Variants in MYO9A observed in about 807,000 individuals in gnomAD.
The protein encoded by MYO9A is unconventional myosin-IXa.
A neutral mutation model predicts 293.3 loss-of-function variants in MYO9A; 103 were observed. That is an observed-to-expected ratio of 0.35 (90% CI 0.30 to 0.41). The LOEUF (loss-of-function observed/expected upper bound fraction) is 0.41, where lower values mean the gene tolerates loss of function less well. Among genes scored for constraint, MYO9A ranks in the 10% least tolerant of loss-of-function variants. The pLI, the probability that MYO9A is intolerant of heterozygous loss-of-function variation, is 1.00. For missense variants in MYO9A, 2,685 were observed against 3,033.0 expected (o/e 0.89, Z 2.69); for synonymous variants, 1,001 against 1,035.7 (o/e 0.97, Z 0.64).
At chr15:71,858,054 G>C (rs1364685784) in intron 34 of MYO9A, among the ~76,000 whole-genome samples, 2 of 152,296 alleles carry the variant, frequency 1.3e-5, no homozygotes, top group Non-Finnish European at 2.9e-5. Context: ...AAACCACAAT[G>C]AGATACCATC....
At position 72,046,514 on chromosome 15, in the gene MYO9A, G is replaced by GT. The variant is rs1213382396; in HGVS notation, c.49dup (p.Thr17AsnfsTer28). 1.9e-6 allele frequency: 3 copies of GT among 1,612,182 alleles called. No individual in the cohort carries two copies. Among genetic ancestry groups the GT allele is most frequent in the Non-Finnish European group, 1.7e-6 (2 of 1,179,354 alleles). ...AATAGCCCCAGGATATATCCGTAAT[G>GT]TATGTTCATTATCTTCAAAGCGTCG... On this transcript the variant is annotated frameshift_variant, in exon 2 of 42. Transcript: ENST00000356056. LOFTEE classifies it high-confidence loss of function.
intron 1 of MYO9A, among the ~76,000 whole-genome samples, chr15:72,103,868 G>A (rs1277809633): frequency 6.6e-6 from 1 of 152,204 alleles, no homozygotes; most frequent in Non-Finnish European, 1.5e-5. Flanking sequence ...CACTGAGGGG[G>A]GATATGTTGA....
At chr15:71,935,517 A>G in intron 16 of MYO9A, 33 bp from the exon 17 acceptor site, 1 of 1,594,706 alleles carries the variant, frequency 6.3e-7, no homozygotes, top group Admixed American at 1.7e-5. Flanking sequence ...TAGTTAATGA[A>G]GACGTCTCTA....
chr15:71,878,016 G>T (rs368257957), intron 31 of MYO9A, 24 bp downstream of exon 31: 226 of 1,534,112 alleles, frequency 1.5e-4, no homozygotes, highest in Non-Finnish European at 1.7e-4. Context: ...AATCCTTTAA[G>T]TAATCAAAAT....
intron 1 of MYO9A, among the ~76,000 whole-genome samples, chr15:72,067,013 T>TATATATTACAATATATAATC (rs2079041661): frequency 6.7e-6 from 1 of 149,434 alleles, no homozygotes. Context: ...ATCATTACAT[T>TATATATTACAATATATAATC]ATATATTACA....
In MYO9A at chr15:71,868,119, G is replaced by A. The variant is rs567658986; in HGVS notation, c.5980-5508C>T. Among the ~76,000 whole-genome samples, 8 of 152,292 alleles carry A rather than the reference G, an allele frequency of 5.3e-5. No homozygotes were observed. In the South Asian group the frequency reaches 8.3e-4, roughly 16 times the overall value. On this transcript the variant is annotated intron_variant, in intron 32 of 41. Transcript: ENST00000356056. ...GCTAAAATCAGATATTGACAAGGGC[G>A]TGTGCCCTTCTGGATGCTCTGTGGA...
chr15:71,996,445 A>G (rs1423904430), intron 9 of MYO9A, among the ~76,000 whole-genome samples: 2 of 152,216 alleles, frequency 1.3e-5, no homozygotes, highest in Non-Finnish European at 2.9e-5. Flanking sequence ...CAAATTTTAT[A>G]CTTTCAGCCC....
intron 11 of MYO9A, among the ~76,000 whole-genome samples, chr15:71,985,112 GT>G (rs2076376717): frequency 6.6e-6 from 1 of 152,128 alleles, no homozygotes; most frequent in Non-Finnish European, 1.5e-5. Context: ...TAAAGATGGG[GT>G]TTCACCATGT....
rs542912517 is a variant in MYO9A at position 72,020,191 on chromosome 15, C to G, written c.1098+727G>C. Among the ~76,000 whole-genome samples the G allele has an allele frequency of 2.0e-5, 3 of 152,104 alleles. No homozygotes were observed. The East Asian group carries it at 5.8e-4, about 29-fold the overall frequency. The stretch of plus-strand genomic sequence containing the variant: ...TTTCCGTAGACATTACATCTTGCCT[C>G]CAACAATGGAAAAATAAGGGGAGAC... On this transcript the variant is annotated intron_variant, in intron 5 of 41. Coordinates refer to ENST00000356056, the MANE Select transcript of MYO9A (RefSeq NM_006901.4).
At chr15:72,054,105 A>C (rs945450877) in intron 1 of MYO9A, among the ~76,000 whole-genome samples, 2 of 152,214 alleles carry the variant, frequency 1.3e-5, no homozygotes, top group African/African-American at 4.8e-5. Context: ...AAGGAGAAGA[A>C]ATACCATGCA....
chr15:71,896,375 C>T (rs889317606), intron 25 of MYO9A, among the ~76,000 whole-genome samples: 7 of 152,198 alleles, frequency 4.6e-5, no homozygotes, highest in Non-Finnish European at 1.5e-5. Flanking sequence ...CCAAAAGAAT[C>T]TACCAAATAT....
chr15:71,951,952 T>C (rs2059062938), intron 14 of MYO9A, 56 bp from the exon 15 acceptor site: 1 of 1,525,514 alleles, frequency 6.6e-7, no homozygotes, highest in African/African-American at 1.4e-5. Context: ...AAAGACATTA[T>C]ATAAGCCCAA....
At chr15:72,048,396 CAA>C (rs200287252) in intron 1 of MYO9A, among the ~76,000 whole-genome samples, 21 of 124,128 alleles carry the variant, frequency 1.7e-4, no homozygotes, top group East Asian at 4.4e-4. Flanking sequence ...GAGACTGTCT[CAA>C]AAAAAAAAAA....
intron 5 of MYO9A, among the ~76,000 whole-genome samples, chr15:72,020,596 G>T (rs1223047773): frequency 6.6e-6 from 1 of 151,976 alleles, no homozygotes. Flanking sequence ...ATATCCTGGG[G>T]GTTGTAAAAG....
Position 71,935,391 on chromosome 15 carries a change from A to G in MYO9A, c.2472T>C (p.Phe824=). Reference sequence around the variant, plus strand: ...GGAGTTTGCTGCTAGTTGAATTAGCAAATATTCCATCTTTATCAAGCAAGG... The same window carrying G: ...GGAGTTTGCTGCTAGTTGAATTAGCGAATATTCCATCTTTATCAAGCAAGG... The part of the protein sequence containing the change: ...GTSLLDKDGI[F]ANSTSSKLLE... Residue 824 remains phenylalanine, a synonymous_variant, in exon 17 of 42, where the codon TTT becomes TTC. Transcript: ENST00000356056. 6.2e-7 allele frequency: 1 copy of G among 1,613,734 alleles called. No homozygotes were observed. The highest frequency in any genetic ancestry group is 8.5e-7 in the Non-Finnish European group (1 of 1,179,734).
intron 14 of MYO9A, chr15:71,958,380 G>C (rs2059251837): frequency 6.6e-6 from 1 of 152,182 alleles, no homozygotes; most frequent in African/African-American, 2.4e-5. Flanking sequence ...TAGGTAGGAA[G>C]CGGTGTGGAG....
intron 1 of MYO9A, among the ~76,000 whole-genome samples, chr15:72,075,888 T>C (rs756516802): frequency 3.9e-5 from 6 of 152,124 alleles, no homozygotes; most frequent in South Asian, 2.1e-4. Flanking sequence ...CTAGAAAATA[T>C]TGTGAACAAG....
intron 1 of MYO9A, among the ~76,000 whole-genome samples, chr15:72,066,608 A>G (rs547279323): frequency 3.0e-4 from 45 of 152,342 alleles, no homozygotes; most frequent in African/African-American, 1.0e-3. Context: ...CACCAGAAGC[A>G]TGGTTTCCTT....
intron 18 of MYO9A, among the ~76,000 whole-genome samples, chr15:71,930,572 C>T (rs1014151948): frequency 6.6e-6 from 1 of 152,048 alleles, no homozygotes; most frequent in African/African-American, 2.4e-5. Flanking sequence ...CCTTAATGTT[C>T]ATTCTCTGTA....
Sources: allele counts gnomAD v4.1 joint callset (sites outside exome capture counted in the v4.1 genomes callset), GRCh38; gene constraint gnomAD v4.1.1; transcripts MANE v1.5; gene names NCBI Gene and HGNC (gene_info 2026-07-23, HGNC 2026-07-21).